Variants in ARHGEF26 observed in about 807,000 individuals in gnomAD.
The protein encoded by ARHGEF26 is Rho guanine nucleotide exchange factor (GEF) 26.
ARHGEF26 carries 59 observed loss-of-function variants against 89.4 expected under a neutral mutation model. The observed-to-expected ratio is 0.66, with a 90% CI of 0.54 to 0.82. The LOEUF is 0.82. ARHGEF26 is among the 40% of genes least tolerant of loss of function. ARHGEF26 has a pLI of 0.00. For missense variants in ARHGEF26, 1,234 were observed against 1,085.6 expected (o/e 1.14, Z -1.92); for synonymous variants, 500 against 428.4 (o/e 1.17, Z -2.06).
chr3:154,204,744 A>T (rs942129403), intron 9 of ARHGEF26, among the ~76,000 whole-genome samples: 33 of 152,192 alleles, frequency 2.2e-4, no homozygotes, highest in African/African-American at 7.0e-4. Flanking sequence ...TGTTTCAAGA[A>T]ATTTTTACAT....
At chr3:154,124,299 G>A (rs1718184421) in intron 2 of ARHGEF26, 111 bp from the exon 3 acceptor site, 1 of 738,122 alleles carries the variant, frequency 1.4e-6, no homozygotes, top group Non-Finnish European at 2.2e-6. Flanking sequence ...TTAATGTAAT[G>A]ACTAAAAAAA....
At chr3:154,154,815 C>T (rs928738104) in intron 6 of ARHGEF26, among the ~76,000 whole-genome samples, 2 of 151,912 alleles carry the variant, frequency 1.3e-5, no homozygotes, top group African/African-American at 4.8e-5. Context: ...GTAGTTTATT[C>T]ATCCAGCCGC....
At position 154,157,330 on chromosome 3, in the gene ARHGEF26, A is replaced by C. The variant is rs891350785; in HGVS notation, c.1487+4398A>C. 3.9e-5 allele frequency among the ~76,000 whole-genome samples: 6 copies of C among 152,050 alleles called. No individual in the cohort carries two copies. In the East Asian group the frequency reaches 5.8e-4, roughly 15 times the overall value. On this transcript the variant is annotated intron_variant, in intron 6 of 14. Coordinates refer to ENST00000465093, the MANE Select transcript of ARHGEF26 (RefSeq NM_015595.4). The stretch of plus-strand genomic sequence containing the variant: ...TGTATTTGCAGAGGCGTTTTAGGGC[A>C]CTTTCCTTGAAATGGAAAGGCTTGG...
intron 11 of ARHGEF26, among the ~76,000 whole-genome samples, chr3:154,237,517 G>C (rs1717187661): frequency 6.7e-6 from 1 of 148,564 alleles, no homozygotes; most frequent in South Asian, 2.2e-4. Flanking sequence ...ACTCCAGCCT[G>C]GGTGACAGAG....
At position 154,245,773 on chromosome 3, in the gene ARHGEF26, A is replaced by G. The variant is rs77740690; in HGVS notation, c.2300+5194A>G. Among the ~76,000 whole-genome samples the G allele has an allele frequency of 2.5e-3, 381 of 152,246 alleles. 7 individuals carry two copies. In the East Asian group the frequency reaches 0.071, roughly 28 times the overall value. On this transcript the variant is annotated intron_variant, in intron 12 of 14. Coordinates refer to ENST00000465093, the MANE Select transcript of ARHGEF26 (RefSeq NM_015595.4). ...AGAACTTCTCAAGAGAGTGGCCTTC[A>G]TTTCTCCAGATTAATTCAGTGGATT...
chr3:154,256,493 C>CA lies in ARHGEF26; in HGVS notation c.*1022dup. 3.2e-6 allele frequency: 3 copies of CA among 933,926 alleles called. No homozygotes were observed. Among genetic ancestry groups the CA allele is most frequent in the Non-Finnish European group, 3.8e-6 (3 of 788,666 alleles). 57.9% of individuals were successfully genotyped at this position (933,926 alleles called of 1,614,324 possible). A position where few individuals can be genotyped will look rare whatever the true frequency, so the allele number is the denominator to read the frequency against. The stretch of plus-strand genomic sequence containing the variant: ...CCAGAGAGGAGATCCTCGGCCTCCC[C>CA]AAGTGCTGGGATTATAGGCATGAGC... On this transcript the variant is annotated 3_prime_UTR_variant, in exon 15 of 15. Coordinates refer to ENST00000465093, the MANE Select transcript of ARHGEF26 (RefSeq NM_015595.4).
intron 9 of ARHGEF26, among the ~76,000 whole-genome samples, chr3:154,215,110 A>G (rs1715637528): frequency 6.6e-6 from 1 of 152,164 alleles, no homozygotes; most frequent in Non-Finnish European, 1.5e-5. Flanking sequence ...TACAATCCAG[A>G]CACCTTAAGA....
chr3:154,220,441 A>G (rs906053287), intron 10 of ARHGEF26, among the ~76,000 whole-genome samples: 1 of 152,206 alleles, frequency 6.6e-6, no homozygotes. Context: ...GGGGACTTGG[A>G]GCAGTCTGGC....
intron 4 of ARHGEF26, among the ~76,000 whole-genome samples, chr3:154,130,245 A>C (rs1718606721): frequency 7.3e-6 from 1 of 137,112 alleles, no homozygotes; most frequent in Admixed American, 8.6e-5. Flanking sequence ...GGTTCATGTG[A>C]TTCTCCTGCC....
intron 9 of ARHGEF26, among the ~76,000 whole-genome samples, chr3:154,209,721 A>G (rs757527830): frequency 9.9e-5 from 15 of 152,084 alleles, no homozygotes; most frequent in Non-Finnish European, 1.9e-4. Flanking sequence ...ACAGTGCTGG[A>G]TCTCGCTCAA....
intron 6 of ARHGEF26, among the ~76,000 whole-genome samples, chr3:154,159,317 G>A (rs567749131): frequency 1.8e-4 from 28 of 152,090 alleles, no homozygotes; most frequent in African/African-American, 6.5e-4. Flanking sequence ...TAAAACATTG[G>A]TATTCTTTGG....
intron 6 of ARHGEF26, among the ~76,000 whole-genome samples, chr3:154,177,948 A>G (rs1392464585): frequency 4.6e-5 from 7 of 152,112 alleles, no homozygotes; most frequent in Non-Finnish European, 1.5e-5. Flanking sequence ...CACACCTGTA[A>G]CAATCCCAGC....
chr3:154,124,576 A>G (rs965356864), intron 3 of ARHGEF26, 127 bp downstream of exon 3: 16 of 870,368 alleles, frequency 1.8e-5, no homozygotes, highest in South Asian at 3.8e-5. Context: ...CTCAAATTAT[A>G]CAGTCCAAAG....
chr3:154,256,764 G>T lies in ARHGEF26; in HGVS notation c.*1291G>T, dbSNP rs575247258. ...GCATGGTACCCAATTGAAACCTTTTGACCTTAGTGGGAATTCATTCTATTT... is the reference window on the plus strand; with the variant it reads ...GCATGGTACCCAATTGAAACCTTTTTACCTTAGTGGGAATTCATTCTATTT... On this transcript the variant is annotated 3_prime_UTR_variant, in exon 15 of 15. Transcript: ENST00000465093. 1.4e-6 allele frequency: 2 copies of T among 1,446,548 alleles called. No individual in the cohort carries two copies. The highest frequency in any genetic ancestry group is 5.1e-5 in the East Asian group (2 of 38,890). 89.6% of individuals were successfully genotyped at this position (1,446,548 alleles called of 1,614,324 possible). A position where few individuals can be genotyped will look rare whatever the true frequency, so the allele number is the denominator to read the frequency against.
chr3:154,256,729 C>CAAG lies in ARHGEF26; in HGVS notation c.*1260_*1262dup, dbSNP rs1718541911. 7.3e-7 allele frequency: 1 copy of CAAG among 1,374,624 alleles called. No individual in the cohort carries two copies. The highest frequency in any genetic ancestry group is 3.3e-5 in the Admixed American group (1 of 30,412). 85.2% of individuals were successfully genotyped at this position (1,374,624 alleles called of 1,614,324 possible). On this transcript the variant is annotated 3_prime_UTR_variant, in exon 15 of 15. Transcript: ENST00000465093. ...GGGAAAATTAGGCCTTAAAAGATAC[C>CAAG]AAGAAGTCAGCATGGTACCCAATTG...
chr3:154,186,136 GACACACACACACAC>G (rs60675240), intron 6 of ARHGEF26, among the ~76,000 whole-genome samples: 2 of 146,930 alleles, frequency 1.4e-5, no homozygotes, highest in Non-Finnish European at 3.0e-5. Flanking sequence ...CACACACTTA[GACACACACACACAC>G]ACACACACAC....
At chr3:154,154,142 G>A (rs957451538) in intron 6 of ARHGEF26, among the ~76,000 whole-genome samples, 7 of 152,026 alleles carry the variant, frequency 4.6e-5, no homozygotes, top group Non-Finnish European at 7.4e-5. Context: ...TAAAGTTCAC[G>A]TTATTCTATT....
At chr3:154,182,805 G>A (rs778948638) in intron 6 of ARHGEF26, among the ~76,000 whole-genome samples, 9 of 152,096 alleles carry the variant, frequency 5.9e-5, no homozygotes, top group Non-Finnish European at 1.0e-4. Flanking sequence ...AGCACTCTTT[G>A]CCTTGGTTTT....
chr3:154,143,621 T>C (rs1719518711), intron 4 of ARHGEF26, among the ~76,000 whole-genome samples: 1 of 152,232 alleles, frequency 6.6e-6, no homozygotes, highest in Non-Finnish European at 1.5e-5. Flanking sequence ...ATTCTCCTTA[T>C]TAAAATATTA....
Sources: allele counts gnomAD v4.1 joint callset (sites outside exome capture counted in the v4.1 genomes callset), GRCh38; gene constraint gnomAD v4.1.1; transcripts MANE v1.5; gene names NCBI Gene and HGNC (gene_info 2026-07-23, HGNC 2026-07-21).